MKLN1: variants seen among roughly 807,000 people sequenced by gnomAD.
MKLN1 encodes muskelin.
MKLN1 carries 18 observed loss-of-function variants against 99.0 expected under a neutral mutation model. The observed-to-expected ratio is 0.18, with a 90% CI of 0.13 to 0.27. The LOEUF is 0.27. Among genes scored for constraint, MKLN1 ranks in the 10% least tolerant of loss-of-function variants. MKLN1 has a pLI of 1.00. For synonymous variants in MKLN1, 288 were observed against 293.2 expected (o/e 0.98, Z 0.18); for missense variants, 621 against 875.9 (o/e 0.71, Z 3.67).
At chr7:131,348,498 T>A (rs983913888) in intron 1 of MKLN1, among the ~76,000 whole-genome samples, 12 of 152,110 alleles carry the variant, frequency 7.9e-5, no homozygotes, top group African/African-American at 2.9e-4. Context: ...CTGAATTTTT[T>A]AATAGTTTTA....
chr7:131,122,282 T>C (rs1019756671), intron 1 of MKLN1, among the ~76,000 whole-genome samples: 10 of 152,210 alleles, frequency 6.6e-5, no homozygotes, highest in African/African-American at 1.9e-4. Flanking sequence ...TCCCTTGAAG[T>C]TGACTGCAAA....
At chr7:131,384,656 A>G (rs1409448452) in intron 2 of MKLN1, among the ~76,000 whole-genome samples, 1 of 152,236 alleles carries the variant, frequency 6.6e-6, no homozygotes, top group East Asian at 1.9e-4. Context: ...TACACCCTAT[A>G]GTACACCTAT....
intron 1 of MKLN1, among the ~76,000 whole-genome samples, chr7:131,340,333 C>T (rs1039585889): frequency 5.6e-5 from 7 of 123,976 alleles, no homozygotes; most frequent in East Asian, 2.6e-4. Context: ...GGCTGGAGTG[C>T]GTGGTGCGAT....
At chr7:131,364,182 T>C (rs1172965621) in intron 1 of MKLN1, among the ~76,000 whole-genome samples, 1 of 152,148 alleles carries the variant, frequency 6.6e-6, no homozygotes, top group Non-Finnish European at 1.5e-5. Flanking sequence ...GCATTTTGAA[T>C]TATAGTCTTT....
At chr7:131,354,175 AT>A (rs1209304900) in intron 1 of MKLN1, among the ~76,000 whole-genome samples, 1 of 151,976 alleles carries the variant, frequency 6.6e-6, no homozygotes, top group Non-Finnish European at 1.5e-5. Flanking sequence ...TCTTGCTGGG[AT>A]TTTGATAGGA....
chr7:131,484,938 T>G, intron 17 of MKLN1, among the ~76,000 whole-genome samples: 1 of 151,936 alleles, frequency 6.6e-6, no homozygotes, highest in Non-Finnish European at 1.5e-5. Context: ...TTTAAGAAAT[T>G]AGAATTAACA....
At chr7:131,190,589 C>A (rs1554534382) in intron 2 of MKLN1, among the ~76,000 whole-genome samples, 1 of 151,042 alleles carries the variant, frequency 6.6e-6, no homozygotes. Context: ...TAATTTTCTT[C>A]TTTAACAATA....
At chr7:131,110,155 CG>C in exon 1 of MKLN1, 1 of 192,230 alleles carries the variant, frequency 5.2e-6, no homozygotes, top group Non-Finnish European at 1.1e-5. Context: ...CAGAGCCGCC[CG>C]GGAGCAGGGA....
At chr7:131,409,525 A>G (rs1453890460) in intron 6 of MKLN1, among the ~76,000 whole-genome samples, 1 of 152,054 alleles carries the variant, frequency 6.6e-6, no homozygotes, top group African/African-American at 2.4e-5. Context: ...TGTAGGATGG[A>G]GGTTTCCAGT....
intron 2 of MKLN1, among the ~76,000 whole-genome samples, chr7:131,172,503 GAC>G (rs1417752626): frequency 6.7e-6 from 1 of 148,702 alleles, no homozygotes; most frequent in Admixed American, 6.9e-5. Context: ...TTTTAGTAGA[GAC>G]AGGGTTTCAC....
At chr7:131,276,014 C>A (rs1797967148) in intron 3 of MKLN1, among the ~76,000 whole-genome samples, 1 of 152,156 alleles carries the variant, frequency 6.6e-6, no homozygotes, top group East Asian at 1.9e-4. Flanking sequence ...CAGGCAGATA[C>A]ATAGGGGAAG....
intron 1 of MKLN1, among the ~76,000 whole-genome samples, chr7:131,135,414 C>G (rs1489186400): frequency 2.0e-5 from 3 of 152,230 alleles, no homozygotes; most frequent in Non-Finnish European, 4.4e-5. Context: ...GCCACTGCGT[C>G]TGGCCTCTCT....
chr7:131,453,025 T>C (rs1366702998), intron 12 of MKLN1, among the ~76,000 whole-genome samples: 2 of 152,226 alleles, frequency 1.3e-5, no homozygotes, highest in Non-Finnish European at 2.9e-5. Flanking sequence ...GTTTTGTATT[T>C]GATGTGTCAT....
At chr7:131,145,817 G>C (rs945123639) in intron 2 of MKLN1, among the ~76,000 whole-genome samples, 3 of 152,212 alleles carry the variant, frequency 2.0e-5, no homozygotes, top group African/African-American at 7.2e-5. Flanking sequence ...GATTTGCCTA[G>C]CAGACAAATG....
rs986659911 is a variant in MKLN1 at position 131,495,613 on chromosome 7, C to G, written c.*7885C>G. On this transcript the variant is annotated 3_prime_UTR_variant, in exon 18 of 18. Coordinates refer to ENST00000352689, the MANE Select transcript of MKLN1 (RefSeq NM_013255.5). ...GAAAAGATTAAAAAAAAAATTAACACAGCCATTCCATTGTTTTTTACCACA... is the reference window on the plus strand; with the variant it reads ...GAAAAGATTAAAAAAAAAATTAACAGAGCCATTCCATTGTTTTTTACCACA... 4.6e-5 allele frequency: 7 copies of G among 151,980 alleles called. No homozygotes were observed. Among genetic ancestry groups the G allele is most frequent in the African/African-American group, 1.7e-4 (7 of 41,352 alleles). The allele number at this position is 151,980 out of a possible 1,614,324, so 9.4% of individuals were successfully genotyped here.
intron 3 of MKLN1, among the ~76,000 whole-genome samples, chr7:131,238,937 C>T (rs1271621178): frequency 6.6e-6 from 1 of 152,140 alleles, no homozygotes; most frequent in Admixed American, 6.6e-5. Flanking sequence ...ACATTCTATC[C>T]ACTAGAATTT....
chr7:131,407,195 A>G (rs1210727319), intron 6 of MKLN1, among the ~76,000 whole-genome samples: 1 of 151,230 alleles, frequency 6.6e-6, no homozygotes, highest in Non-Finnish European at 1.5e-5. Context: ...CTTTTCTCTC[A>G]TTTCTAACAA....
chr7:131,351,551 T>C (rs1203880809), intron 1 of MKLN1, among the ~76,000 whole-genome samples: 2 of 152,076 alleles, frequency 1.3e-5, no homozygotes, highest in African/African-American at 4.8e-5. Context: ...GCCTTGAACC[T>C]CCTGGGCTCA....
intron 2 of MKLN1, among the ~76,000 whole-genome samples, chr7:131,158,390 C>T (rs903235835): frequency 2.6e-5 from 4 of 152,132 alleles, no homozygotes; most frequent in East Asian, 1.9e-4. Context: ...GCTGAGGTCA[C>T]GCCATTGCAC....
Sources: gnomAD v4.1 joint callset for allele counts (sites outside exome capture counted in the v4.1 genomes callset) on GRCh38, gnomAD v4.1.1 for gene constraint, MANE v1.5 for transcripts, NCBI Gene and HGNC (gene_info 2026-07-23, HGNC 2026-07-21) for gene names.